MYO9B: variants seen among roughly 807,000 people sequenced by gnomAD.
MYO9B encodes myosin IXB, also known as unconventional myosin-IXb.
MYO9B carries 71 observed loss-of-function variants against 229.5 expected under a neutral mutation model. The ratio of observed to expected loss-of-function variants is 0.31; its 90% CI spans 0.26 to 0.38. The LOEUF (loss-of-function observed/expected upper bound fraction) is 0.38. MYO9B is among the 10% of genes least tolerant of loss of function. The probability of loss-of-function intolerance (pLI) is 1.00; values close to 1 mark genes in which losing one functional copy is unlikely to be tolerated. For synonymous variants in MYO9B, 1,185 were observed against 1,235.8 expected, an observed-to-expected ratio of 0.96 and a Z score of 0.86; for missense variants, 2,255 against 2,920.5, an observed-to-expected ratio of 0.77 and a Z score of 5.25.
At chr19:17,206,589 G>T (rs1230429681) in intron 33 of MYO9B, 90 bp from the exon 34 acceptor site, 2 of 1,302,088 alleles carry the variant, frequency 1.5e-6, no homozygotes, top group African/African-American at 1.5e-5. Context: ...AGGGTGGATG[G>T]CACCTGTGCA....
chr19:17,156,933 C>T lies in MYO9B; in HGVS notation c.1224C>T (p.Ile408=), dbSNP rs1318404580. The change falls in exon 7 of 40, where the codon ATC becomes ATT. Residue 408 remains isoleucine, a synonymous_variant. Coordinates refer to ENST00000682292, the MANE Select transcript of MYO9B (RefSeq NM_004145.4). ...KKQIFAVLSA[I]LYLGNVTYKK... ...GGATTTTTGCCGTCCTCTCGGCCAT[C>T]CTGTACCTGGGCAACGTCACTTATA... is the stretch of plus-strand genomic sequence containing the variant. 1 of 1,613,788 alleles carries T rather than the reference C, an allele frequency of 6.2e-7. No individual in the cohort carries two copies. The highest frequency in any genetic ancestry group is 8.5e-7 in the Non-Finnish European group (1 of 1,179,836).
At chr19:17,188,645 A>G (rs1039297579) in intron 19 of MYO9B, among the ~76,000 whole-genome samples, 1 of 152,188 alleles carries the variant, frequency 6.6e-6, no homozygotes, top group Non-Finnish European at 1.5e-5. Flanking sequence ...AAGCAAAATT[A>G]TAAAAAATGC....
At chr19:17,157,404 A>G (rs967496649) in intron 7 of MYO9B, 11 of 196,534 alleles carry the variant, frequency 5.6e-5, no homozygotes, top group African/African-American at 2.6e-4. Flanking sequence ...AAAATACAAA[A>G]AGAAATTAGC....
chr19:17,176,126 T>G (rs913167066), intron 14 of MYO9B, among the ~76,000 whole-genome samples: 1 of 152,146 alleles, frequency 6.6e-6, no homozygotes, highest in African/African-American at 2.4e-5. Context: ...GCCTCGCAGG[T>G]TCATGCCATT....
In MYO9B at chr19:17,203,269, C is replaced by T. The variant is rs1286558627; in HGVS notation, c.4990+11C>T. 2 of 1,537,944 alleles carry T rather than the reference C, an allele frequency of 1.3e-6. No homozygotes were observed. Among genetic ancestry groups the T allele is most frequent in the Admixed American group, 2.0e-5 (1 of 50,698 alleles). On this transcript the variant is annotated intron_variant, in intron 30 of 39. Coordinates refer to ENST00000682292, the MANE Select transcript of MYO9B (RefSeq NM_004145.4). ...CCCTGCTCTGCAGCGGTGAGTGGCT[C>T]CCCCACCAGGCCCCAAAACCCTCCA... is the stretch of plus-strand genomic sequence containing the variant.
chr19:17,133,222 G>A (rs538923237), intron 2 of MYO9B, among the ~76,000 whole-genome samples: 11 of 152,206 alleles, frequency 7.2e-5, no homozygotes, highest in African/African-American at 2.6e-4. Context: ...TATACATTGT[G>A]GAAAGGGTCA....
intron 15 of MYO9B, among the ~76,000 whole-genome samples, chr19:17,182,651 C>G (rs2072874534): frequency 6.6e-6 from 1 of 151,458 alleles, no homozygotes; most frequent in Non-Finnish European, 1.5e-5. Flanking sequence ...AATGATCCGC[C>G]CACCTCGGCC....
At chr19:17,174,762 G>A (rs999888588) in intron 13 of MYO9B, among the ~76,000 whole-genome samples, 12 of 150,402 alleles carry the variant, frequency 8.0e-5, no homozygotes, top group Admixed American at 6.0e-4. Context: ...GTGAAACCCC[G>A]TCTCTAGTAA....
At chr19:17,183,775 A>C in intron 15 of MYO9B, 54 bp from the exon 16 acceptor site, 2 of 1,490,090 alleles carry the variant, frequency 1.3e-6, no homozygotes, top group Non-Finnish European at 1.8e-6. Context: ...AACTAACCCA[A>C]ATCCCGACAC....
intron 3 of MYO9B, 169 bp from the exon 4 acceptor site, chr19:17,152,475 A>G: frequency 3.8e-6 from 2 of 529,284 alleles, no homozygotes; most frequent in Non-Finnish European, 6.7e-6. Context: ...AGGCAAGAGA[A>G]TCGCTTGAAC....
At chr19:17,099,468 CG>C (rs2057723751) in intron 1 of MYO9B, among the ~76,000 whole-genome samples, 1 of 151,404 alleles carries the variant, frequency 6.6e-6, no homozygotes, top group Non-Finnish European at 1.5e-5. Flanking sequence ...ATTGGCCTGG[CG>C]CAGTGGCTCA....
chr19:17,206,473 A>G (rs2073163773), intron 33 of MYO9B, 97 bp downstream of exon 33: 2 of 1,494,248 alleles, frequency 1.3e-6, no homozygotes, highest in African/African-American at 2.8e-5. Context: ...CCAGTTCACA[A>G]ACTGAGAAAC....
chr19:17,153,894 T>C (rs1568276362), intron 4 of MYO9B, 73 bp from the exon 5 acceptor site: 1 of 1,072,444 alleles, frequency 9.3e-7, no homozygotes, highest in East Asian at 2.4e-5. Context: ...AAAGCCATGT[T>C]AGTAGTGGTT....
At chr19:17,102,704 C>A in intron 2 of MYO9B, 147 bp downstream of exon 2, 1 of 1,153,358 alleles carries the variant, frequency 8.7e-7, no homozygotes, top group South Asian at 1.7e-5. Flanking sequence ...AGTTCAAGAT[C>A]AGCCTGGGCA....
At chr19:17,142,091 T>G (rs1340487790) in intron 2 of MYO9B, among the ~76,000 whole-genome samples, 1 of 151,454 alleles carries the variant, frequency 6.6e-6, no homozygotes, top group South Asian at 2.1e-4. Flanking sequence ...GGCAGGAGGA[T>G]TGCTTGAGGC....
rs540575595 is a variant in MYO9B at position 17,131,376 on chromosome 19, C to T, written c.841-14021C>T. 6.6e-5 allele frequency among the ~76,000 whole-genome samples: 10 copies of T among 152,376 alleles called. No homozygotes were observed. In the East Asian group the frequency reaches 1.9e-3, roughly 29 times the overall value. ...CGCTGCCTCCCGCATTCAAGCGATT[C>T]TTCTGCCTCAGCTTCCCAAGTAGCT... On this transcript the variant is annotated intron_variant, in intron 2 of 39. Coordinates refer to ENST00000682292, the MANE Select transcript of MYO9B (RefSeq NM_004145.4).
chr19:17,098,057 C>CG (rs1491180497), intron 1 of MYO9B, among the ~76,000 whole-genome samples: 1 of 92,402 alleles, frequency 1.1e-5, no homozygotes, highest in Non-Finnish European at 2.4e-5. Flanking sequence ...CCCCCCCCCC[C>CG]ACCTTTTTTT....
At chr19:17,200,120 G>A (rs1028223949) in intron 24 of MYO9B, among the ~76,000 whole-genome samples, 173 bp from the exon 25 acceptor site, 13 of 151,990 alleles carry the variant, frequency 8.6e-5, no homozygotes, top group African/African-American at 1.4e-4. Context: ...TGATCCACCC[G>A]CCTGGATCTC....
chr19:17,101,775 C>T lies in MYO9B; in HGVS notation c.58C>T (p.His20Tyr), dbSNP rs1297145556. ...GRREQAAYHL[H>Y]IYPQLSTTES... ...CCGGGAGCAGGCGGCCTACCACCTG[C>T]ACATCTACCCCCAGCTGTCCACCAC... The change falls in exon 2 of 40, where the codon CAC (histidine) becomes TAC (tyrosine). Residue 20 changes from histidine to tyrosine, a missense_variant. Around this residue, in one of 7 missense-constraint regions of MYO9B, gnomAD observed 386 missense variants for 515.2 expected, o/e 0.75. Transcript: ENST00000682292. This position sits in a 1 kb window ranked among gnomAD's most constrained non-coding sequence, Gnocchi z 4.7. The T allele has an allele frequency of 6.2e-7, 1 of 1,601,904 alleles. No individual in the cohort carries two copies.
Sources: allele counts gnomAD v4.1 joint callset (sites outside exome capture counted in the v4.1 genomes callset), GRCh38; gene constraint gnomAD v4.1.1; regional missense constraint gnomAD v4.1.1; non-coding constraint Gnocchi (gnomAD v3.1); transcripts MANE v1.5; gene names NCBI Gene and HGNC (gene_info 2026-07-23, HGNC 2026-07-21).